ATP7B: variants seen among roughly 807,000 people sequenced by gnomAD.
The protein encoded by ATP7B is ATPase copper transporting beta.
ATP7B carries 113 observed loss-of-function variants against 118.9 expected under a neutral mutation model. The observed-to-expected ratio is 0.95, with a 90% CI of 0.82 to 1.11. The LOEUF is 1.11. Ranked by LOEUF, ATP7B falls within the 50% of genes most tolerant of loss-of-function variation. ATP7B has a pLI of 0.00. For synonymous variants in ATP7B, 777 were observed against 727.4 expected, an observed-to-expected ratio of 1.07 and a Z score of -1.10; for missense variants, 1,867 against 1,871.4, an observed-to-expected ratio of 1.00 and a Z score of 0.04.
In ATP7B at chr13:51,934,586, A is replaced by T; in HGVS notation, c.*170T>A. 9.0e-7 allele frequency: 1 copy of T among 1,114,088 alleles called. No individual in the cohort carries two copies. The highest frequency in any genetic ancestry group is 1.5e-5 in the South Asian group (1 of 68,628). The allele number at this position is 1,114,088 out of a possible 1,614,324, so 69.0% of individuals were successfully genotyped here. ...GGGCCGTCCTCTCCAGGCCAAGCCCAGCTGCACCCAGACAAGGCCGCGTGC... is the reference window on the plus strand; with the variant it reads ...GGGCCGTCCTCTCCAGGCCAAGCCCTGCTGCACCCAGACAAGGCCGCGTGC... On this transcript the variant is annotated 3_prime_UTR_variant, in exon 21 of 21. Transcript: ENST00000242839.
chr13:51,981,705 A>AT (rs1952430646), intron 1 of ATP7B, among the ~76,000 whole-genome samples: 1 of 152,178 alleles, frequency 6.6e-6, no homozygotes, highest in Non-Finnish European at 1.5e-5. Flanking sequence ...CTCTATGAAC[A>AT]TTAAGTATAC....
intron 19 of ATP7B, 89 bp from the exon 20 acceptor site, chr13:51,935,784 G>T: frequency 8.4e-7 from 1 of 1,197,182 alleles, no homozygotes; most frequent in Non-Finnish European, 1.2e-6. Context: ...CACCCTCAGC[G>T]GCCCCCAGTG....
chr13:51,972,542 T>C (rs1951892681), intron 2 of ATP7B, among the ~76,000 whole-genome samples: 1 of 152,300 alleles, frequency 6.6e-6, no homozygotes, highest in South Asian at 2.1e-4. Context: ...CACACCCCTC[T>C]TGGTGACCCC....
intron 2 of ATP7B, 47 bp from the exon 3 acceptor site, chr13:51,970,796 A>G: frequency 6.3e-7 from 1 of 1,591,378 alleles, no homozygotes; most frequent in Non-Finnish European, 8.6e-7. Flanking sequence ...AGCAAATAAT[A>G]TGTTTTTCAG....
intron 15 of ATP7B, among the ~76,000 whole-genome samples, chr13:51,941,671 C>T (rs1192554528): frequency 6.6e-6 from 1 of 152,178 alleles, no homozygotes; most frequent in Non-Finnish European, 1.5e-5. Flanking sequence ...AACTGTAACT[C>T]CCGAGGCTAA....
intron 9 of ATP7B, among the ~76,000 whole-genome samples, chr13:51,951,653 C>T (rs1593701890): frequency 6.6e-6 from 1 of 152,116 alleles, no homozygotes; most frequent in Middle Eastern, 3.2e-3. Flanking sequence ...TGAGCAGAAG[C>T]TGAAGGACCA....
intron 12 of ATP7B, among the ~76,000 whole-genome samples, chr13:51,948,627 C>T (rs1427637259): frequency 6.6e-6 from 1 of 152,106 alleles, no homozygotes; most frequent in Non-Finnish European, 1.5e-5. Flanking sequence ...ATGTGCCTTG[C>T]AGGATGTTTA....
chr13:52,003,206 C>T (rs187060658), intron 1 of ATP7B, among the ~76,000 whole-genome samples: 29 of 152,310 alleles, frequency 1.9e-4, no homozygotes, highest in Non-Finnish European at 3.4e-4. Flanking sequence ...TTTGACAAGC[C>T]TTCCTCACTA....
chr13:51,964,309 T>C (rs1180383515), intron 5 of ATP7B, among the ~76,000 whole-genome samples: 2 of 152,224 alleles, frequency 1.3e-5, no homozygotes, highest in Admixed American at 1.3e-4. Context: ...CCACTGATGC[T>C]CATTCTCTTA....
At chr13:52,008,084 G>A (rs1050940545) in intron 1 of ATP7B, among the ~76,000 whole-genome samples, 1 of 151,926 alleles carries the variant, frequency 6.6e-6, no homozygotes, top group South Asian at 2.1e-4. Context: ...CCTCACGCCT[G>A]TAATTCCAAC....
chr13:51,973,258 T>C (rs142869900), intron 2 of ATP7B, among the ~76,000 whole-genome samples: 23 of 152,340 alleles, frequency 1.5e-4, no homozygotes, highest in Non-Finnish European at 2.9e-4. Context: ...CAGTGCTCTA[T>C]TTCAGGATAC....
intron 5 of ATP7B, 113 bp downstream of exon 5, chr13:51,964,759 G>A: frequency 1.5e-6 from 2 of 1,305,558 alleles, no homozygotes; most frequent in Non-Finnish European, 2.1e-6. Context: ...GGGAAAAGTT[G>A]AAGAATTTTG....
chr13:51,967,859 G>A (rs1951640993), intron 4 of ATP7B, among the ~76,000 whole-genome samples: 1 of 152,218 alleles, frequency 6.6e-6, no homozygotes, highest in Admixed American at 6.5e-5. Flanking sequence ...CACATCCATT[G>A]TTTTCAATAA....
At position 51,942,499 on chromosome 13, in the gene ATP7B, C is replaced by T. The variant is rs1416651496; in HGVS notation, c.3299G>A (p.Cys1100Tyr). ...YCTDFQAVPGCGIGCKVSNVE... is the reference protein window; with the variant it reads ...YCTDFQAVPGYGIGCKVSNVE... The stretch of plus-strand genomic sequence containing the variant: ...GTTGCTGACTTTGCACCCAATTCCA[C>T]AGCCTGGCACTGCCTGGAAGTCCGT... The change falls in exon 15 of 21, where the codon TGT becomes TAT. Residue 1100 changes from cysteine (C) to tyrosine (Y), a missense_variant. By Grantham distance (194) the Cys-to-Tyr change is radical. Coordinates refer to ENST00000242839, the MANE Select transcript of ATP7B (RefSeq NM_000053.4). The T allele has an allele frequency of 6.2e-7, 1 of 1,614,234 alleles. No individual in the cohort carries two copies. The highest frequency in any genetic ancestry group is 8.5e-7 in the Non-Finnish European group (1 of 1,180,036).
chr13:51,934,754 C>T lies in ATP7B; in HGVS notation c.*2G>A, dbSNP rs2138383615. ...CTGCCCCGGCCCGCCTGCCTGAAGT[C>T]ATCAGATGTACTGCTCCTCATCCCT... On this transcript the variant is annotated 3_prime_UTR_variant, in exon 21 of 21. Transcript: ENST00000242839. 6.2e-7 allele frequency: 1 copy of T among 1,613,454 alleles called. No homozygotes were observed. Among genetic ancestry groups the T allele is most frequent in the Non-Finnish European group, 8.5e-7 (1 of 1,180,042 alleles).
At chr13:51,965,310 A>C (rs1438198477) in intron 4 of ATP7B, among the ~76,000 whole-genome samples, 1 of 152,190 alleles carries the variant, frequency 6.6e-6, no homozygotes, top group African/African-American at 2.4e-5. Flanking sequence ...TCCGGCTCTG[A>C]TACAGATGGG....
rs146741235 is a variant in ATP7B, at chr13:51,985,681, A to C, written c.52-10513T>G. 2.8e-3 allele frequency among the ~76,000 whole-genome samples: 420 copies of C among 152,356 alleles called. 4 individuals carry two copies. The highest frequency in any genetic ancestry group is 9.6e-3 in the African/African-American group (398 of 41,588). On this transcript the variant is annotated intron_variant, in intron 1 of 20. Coordinates refer to ENST00000242839, the MANE Select transcript of ATP7B (RefSeq NM_000053.4). ...CATAATTGGAAGTGAAACACTCCTCAGCAAATGCAAAAGAACAGAAATAAT... is the reference window on the plus strand; with the variant it reads ...CATAATTGGAAGTGAAACACTCCTCCGCAAATGCAAAAGAACAGAAATAAT...
In ATP7B at chr13:51,937,686, C is replaced by T. The variant is rs756742483; in HGVS notation, c.3700-7G>A. ...AGACTTTGTTGATGCCAACCTAAGA[C>T]AAAAGGAAGGCAATGCCTAGTGTTG... On this transcript the variant is annotated splice_polypyrimidine_tract_variant and splice_region_variant and intron_variant, in intron 17 of 20. Transcript: ENST00000242839. 6.2e-6 allele frequency: 10 copies of T among 1,614,026 alleles called. No homozygotes were observed. Among genetic ancestry groups the T allele is most frequent in the Non-Finnish European group, 8.5e-6 (10 of 1,180,038 alleles).
Position 51,934,971 on chromosome 13 carries a change from G to A in ATP7B, c.4183C>T (p.Leu1395=), listed in dbSNP as rs1956871785. 1 of 1,614,096 alleles carries A rather than the reference G, an allele frequency of 6.2e-7. No individual in the cohort carries two copies. Among genetic ancestry groups the A allele is most frequent in the Non-Finnish European group, 8.5e-7 (1 of 1,180,044 alleles). Residue 1395 remains leucine, a synonymous_variant, in exon 21 of 21, where the codon CTG becomes TTG. Coordinates refer to ENST00000242839, the MANE Select transcript of ATP7B (RefSeq NM_000053.4). ...TGCACACTGACCTGGGATGCCGTCA[G>A]GGGCTTCATGTGGCCATGCGCCTGT... The part of the protein sequence containing the change: ...EAQAHGHMKP[L]TASQVSVHIG...
Sources: allele counts gnomAD v4.1 joint callset (sites outside exome capture counted in the v4.1 genomes callset), GRCh38; gene constraint gnomAD v4.1.1; transcripts MANE v1.5; gene names NCBI Gene and HGNC (gene_info 2026-07-23, HGNC 2026-07-21).